The following FAF1 variants were observed in gnomAD, a reference collection of about 807,000 sequenced individuals.
FAF1 encodes the protein Fas associated factor 1, also known as FAS-associated factor 1.
FAF1 carries 25 observed loss-of-function variants against 92.5 expected under a neutral mutation model. The observed-to-expected ratio is 0.27, with a 90% confidence interval of 0.20 to 0.38. FAF1 has a LOEUF of 0.38. Among genes scored for constraint, FAF1 ranks in the 10% least tolerant of loss-of-function variants. The pLI is 1.00. For missense variants in FAF1, 636 were observed against 793.3 expected, an observed-to-expected ratio of 0.80 and a Z score of 2.38; for synonymous variants, 234 against 273.2, an observed-to-expected ratio of 0.86 and a Z score of 1.42.
chr1:50,766,943 T>TC (rs1416049067), intron 4 of FAF1, among the ~76,000 whole-genome samples: 1 of 152,004 alleles, frequency 6.6e-6, no homozygotes, highest in Admixed American at 6.6e-5. Flanking sequence ...CCACACTAGT[T>TC]CCCCAGCAAT....
chr1:50,947,995 G>T (rs1470155562), intron 1 of FAF1, among the ~76,000 whole-genome samples: 1 of 151,998 alleles, frequency 6.6e-6, no homozygotes, highest in Non-Finnish European at 1.5e-5. Context: ...CCCCAACAGA[G>T]CTGACAGTAC....
At chr1:50,801,906 C>A (rs1662005275) in intron 2 of FAF1, among the ~76,000 whole-genome samples, 1 of 151,988 alleles carries the variant, frequency 6.6e-6, no homozygotes, top group African/African-American at 2.4e-5. Flanking sequence ...TATCCCCAAA[C>A]CTTGAGTCAT....
At position 50,849,444 on chromosome 1, in the gene FAF1, ACTG is replaced by A. The variant is rs57773328; in HGVS notation, c.114+8482_114+8484del. 9.9e-3 allele frequency among the ~76,000 whole-genome samples: 1,501 copies of A among 152,262 alleles called. 22 individuals carry two copies. The highest frequency in any genetic ancestry group is 0.034 in the African/African-American group (1,424 of 41,544). On this transcript the variant is annotated intron_variant, in intron 2 of 18. Transcript: ENST00000396153. Reference sequence around the variant, plus strand: ...TTAGATATCCTTGCATTCTAAACACACTGCTATCACTCATTATACATTTTAAAA... The same window carrying A: ...TTAGATATCCTTGCATTCTAAACACACTATCACTCATTATACATTTTAAAA...
At chr1:50,808,149 C>T (rs2124601575) in intron 2 of FAF1, among the ~76,000 whole-genome samples, 2 of 152,178 alleles carry the variant, frequency 1.3e-5, no homozygotes, top group Middle Eastern at 6.8e-3. Context: ...CCATATACAG[C>T]CAAACTAAAA....
intron 4 of FAF1, among the ~76,000 whole-genome samples, chr1:50,759,912 G>A (rs1387343422): frequency 6.6e-6 from 1 of 152,174 alleles, no homozygotes; most frequent in Non-Finnish European, 1.5e-5. Context: ...GTGATGATGA[G>A]CATTTTTTCA....
intron 7 of FAF1, among the ~76,000 whole-genome samples, chr1:50,665,781 G>A (rs1033907176): frequency 6.6e-6 from 1 of 152,240 alleles, no homozygotes. Context: ...AAGTTGTTAC[G>A]TGATCTTTTT....
chr1:50,534,294 T>C (rs767450806), intron 15 of FAF1, among the ~76,000 whole-genome samples: 1 of 152,130 alleles, frequency 6.6e-6, no homozygotes. Flanking sequence ...GCTGATAATT[T>C]TTTTGAGACA....
At chr1:50,836,820 C>A (rs1447441362) in intron 2 of FAF1, among the ~76,000 whole-genome samples, 2 of 151,978 alleles carry the variant, frequency 1.3e-5, no homozygotes, top group African/African-American at 4.8e-5. Context: ...TAAGGATATT[C>A]TCTTTATAAC....
intron 8 of FAF1, among the ~76,000 whole-genome samples, chr1:50,633,318 G>A (rs1449570118): frequency 3.9e-5 from 6 of 152,104 alleles, no homozygotes; most frequent in Admixed American, 6.6e-5. Flanking sequence ...AGTTTTATTC[G>A]TAAAATCAGT....
chr1:50,947,322 T>C (rs190571602), intron 1 of FAF1, among the ~76,000 whole-genome samples: 10 of 152,282 alleles, frequency 6.6e-5, no homozygotes, highest in Admixed American at 1.3e-4. Context: ...ACTAGGTGAC[T>C]CAAACCCCAC....
At chr1:50,762,940 T>G (rs1224738978) in intron 4 of FAF1, among the ~76,000 whole-genome samples, 1 of 152,132 alleles carries the variant, frequency 6.6e-6, no homozygotes, top group African/African-American at 2.4e-5. Flanking sequence ...AACCTACTCA[T>G]CTGATAAATC....
At chr1:50,762,120 T>C (rs1660352475) in intron 4 of FAF1, among the ~76,000 whole-genome samples, 1 of 151,984 alleles carries the variant, frequency 6.6e-6, no homozygotes. Flanking sequence ...CACCTAGGAA[T>C]CCAACTTACA....
chr1:50,803,075 T>C (rs566378409), intron 2 of FAF1, among the ~76,000 whole-genome samples: 6 of 152,244 alleles, frequency 3.9e-5, no homozygotes, highest in Non-Finnish European at 7.3e-5. Flanking sequence ...TGGAGGCTTG[T>C]AAATCCTTTG....
rs371256847 is a variant in FAF1, at chr1:50,853,495, ACT to A, written c.114+4432_114+4433del. On this transcript the variant is annotated intron_variant, in intron 2 of 18. Transcript: ENST00000396153. ...CATGTAGTTAAAGACAAATATAAGC[ACT>A]CTGAATAGAGTCTTTCTTCAGCAAA... 2.4e-3 allele frequency among the ~76,000 whole-genome samples: 361 copies of A among 152,238 alleles called. 4 individuals are homozygous for A. Among genetic ancestry groups the A allele is most frequent in the African/African-American group, 8.4e-3 (351 of 41,560 alleles).
chr1:50,921,304 G>A (rs1163534028), intron 1 of FAF1, among the ~76,000 whole-genome samples: 4 of 152,184 alleles, frequency 2.6e-5, no homozygotes, highest in African/African-American at 4.8e-5. Flanking sequence ...ACTCTGCAAC[G>A]CACTATCAGT....
At chr1:50,528,147 C>T (rs1025594716) in intron 15 of FAF1, among the ~76,000 whole-genome samples, 5 of 151,972 alleles carry the variant, frequency 3.3e-5, no homozygotes, top group African/African-American at 1.2e-4. Context: ...AGATTATAGC[C>T]GTGAGCCACT....
At chr1:50,764,925 G>T (rs917125617) in intron 4 of FAF1, among the ~76,000 whole-genome samples, 2 of 152,082 alleles carry the variant, frequency 1.3e-5, no homozygotes, top group Non-Finnish European at 2.9e-5. Context: ...CTATCTTTAC[G>T]TTGGAAACTA....
At chr1:50,957,528 T>C (rs1645278796) in intron 1 of FAF1, among the ~76,000 whole-genome samples, 1 of 151,816 alleles carries the variant, frequency 6.6e-6, no homozygotes, top group African/African-American at 2.4e-5. Flanking sequence ...ATTTTTTGTA[T>C]TTTTTTAGTA....
At chr1:50,443,913 C>G (rs955337850) in intron 18 of FAF1, among the ~76,000 whole-genome samples, 10 of 152,148 alleles carry the variant, frequency 6.6e-5, no homozygotes, top group South Asian at 2.1e-4. Flanking sequence ...AGTGCCCCCC[C>G]TTTCCTGATC....
Sources: gnomAD v4.1 joint callset for allele counts (sites outside exome capture counted in the v4.1 genomes callset) on GRCh38, gnomAD v4.1.1 for gene constraint, MANE v1.5 for transcripts, NCBI Gene and HGNC (gene_info 2026-07-23, HGNC 2026-07-21) for gene names.